POU2AF2: variants seen among roughly 807,000 people sequenced by gnomAD.
The protein encoded by POU2AF2 is POU domain class 2-associating factor 2.
At chr11:111,281,333 T>A in the POU2AF2 span, 1 of 1,374,262 alleles carries the variant, frequency 7.3e-7, no homozygotes, top group East Asian at 2.3e-5. Flanking sequence ...TAAGGTGTAT[T>A]CCTAATTTTT....
chr11:111,253,015 T>C, the POU2AF2 span, among the ~76,000 whole-genome samples: 1 of 152,246 alleles, frequency 6.6e-6, no homozygotes, highest in African/African-American at 2.4e-5. Flanking sequence ...TTTATCTTCC[T>C]GAACTACTCT....
chr11:111,267,653 T>C, the POU2AF2 span, among the ~76,000 whole-genome samples: 1 of 152,154 alleles, frequency 6.6e-6, no homozygotes, highest in Non-Finnish European at 1.5e-5. Flanking sequence ...CTGGAAGAGA[T>C]TCCTGAGCCC....
chr11:111,270,552 C>T, the POU2AF2 span, among the ~76,000 whole-genome samples: 7 of 152,300 alleles, frequency 4.6e-5, no homozygotes, highest in African/African-American at 1.4e-4. Context: ...TTTCAATATT[C>T]CCTCCTCAGT....
chr11:111,273,119 A>G, the POU2AF2 span, among the ~76,000 whole-genome samples: 1 of 152,250 alleles, frequency 6.6e-6, no homozygotes, highest in Non-Finnish European at 1.5e-5. Context: ...TTTATAAGAT[A>G]TGTTTGAGAT....
At chr11:111,277,238 G>T in the POU2AF2 span, among the ~76,000 whole-genome samples, 1 of 152,196 alleles carries the variant, frequency 6.6e-6, no homozygotes, top group East Asian at 1.9e-4. Flanking sequence ...AGCAGGTAGA[G>T]AACAAAATCA....
chr11:111,269,564 T>C, the POU2AF2 span, among the ~76,000 whole-genome samples: 1 of 152,174 alleles, frequency 6.6e-6, no homozygotes, highest in African/African-American at 2.4e-5. Flanking sequence ...GGTGGTGAAT[T>C]CTTTCATGCA....
At chr11:111,259,357 C>T in the POU2AF2 span, among the ~76,000 whole-genome samples, 1 of 147,670 alleles carries the variant, frequency 6.8e-6, no homozygotes, top group Admixed American at 6.9e-5. Flanking sequence ...GTTCTGTCGG[C>T]CAGGCTGGAG....
the POU2AF2 span, among the ~76,000 whole-genome samples, chr11:111,278,326 G>C: frequency 6.6e-6 from 1 of 152,196 alleles, no homozygotes; most frequent in African/African-American, 2.4e-5. Context: ...TGCTGCTTCT[G>C]AGTTGTTGGA....
chr11:111,262,780 C>CT, the POU2AF2 span, among the ~76,000 whole-genome samples: 2 of 152,142 alleles, frequency 1.3e-5, no homozygotes, highest in East Asian at 3.9e-4. Flanking sequence ...AGTTTCTGTG[C>CT]TTATTTTTTT....
the POU2AF2 span, among the ~76,000 whole-genome samples, chr11:111,276,791 C>T: frequency 2.0e-5 from 3 of 149,136 alleles, no homozygotes; most frequent in Non-Finnish European, 3.0e-5. Context: ...GTGAATCCAG[C>T]GGTATTATCT....
At chr11:111,251,377 T>C in the POU2AF2 span, among the ~76,000 whole-genome samples, 1 of 152,110 alleles carries the variant, frequency 6.6e-6, no homozygotes, top group Non-Finnish European at 1.5e-5. Context: ...AAAACAAATG[T>C]GGAAAGGAAG....
the POU2AF2 span, among the ~76,000 whole-genome samples, chr11:111,250,992 C>T: frequency 3.9e-5 from 6 of 152,222 alleles, no homozygotes; most frequent in African/African-American, 7.2e-5. Context: ...TTCCTGTGAG[C>T]GTCATGGTGG....
chr11:111,266,580 T>A, the POU2AF2 span, among the ~76,000 whole-genome samples: 2 of 152,190 alleles, frequency 1.3e-5, no homozygotes, highest in Non-Finnish European at 2.9e-5. Context: ...GGGGTACAAT[T>A]GAGTTGACGT....
the POU2AF2 span, among the ~76,000 whole-genome samples, chr11:111,252,928 C>G: frequency 6.6e-6 from 1 of 152,184 alleles, no homozygotes; most frequent in Admixed American, 6.5e-5. Context: ...TGGCTTCCAG[C>G]CACCCCGCAC....
chr11:111,270,259 C>T, the POU2AF2 span, among the ~76,000 whole-genome samples: 18 of 152,344 alleles, frequency 1.2e-4, no homozygotes, highest in Non-Finnish European at 1.9e-4. Context: ...TAGATAATTA[C>T]ATGCACTATT....
chr11:111,268,549 T>TTTA, the POU2AF2 span, among the ~76,000 whole-genome samples: 2 of 133,830 alleles, frequency 1.5e-5, no homozygotes, highest in South Asian at 2.3e-4. Flanking sequence ...TTTATTTTAT[T>TTTA]TTGAGATGGA....
the POU2AF2 span, among the ~76,000 whole-genome samples, chr11:111,278,449 A>T: frequency 6.6e-6 from 1 of 152,196 alleles, no homozygotes; most frequent in Non-Finnish European, 1.5e-5. Context: ...GTGTGATGGC[A>T]TTTGGAGAAG....
chr11:111,248,438 C>G, the POU2AF2 span, among the ~76,000 whole-genome samples: 8 of 152,188 alleles, frequency 5.3e-5, no homozygotes, highest in Non-Finnish European at 1.2e-4. Flanking sequence ...ATCTCCCTGA[C>G]AGGCAGAGAA....
At chr11:111,254,360 A>G in the POU2AF2 span, among the ~76,000 whole-genome samples, 1 of 152,252 alleles carries the variant, frequency 6.6e-6, no homozygotes, top group Non-Finnish European at 1.5e-5. Flanking sequence ...ATAAGGCTGC[A>G]TGTGGCTTTA....
Sources: allele counts gnomAD v4.1 joint callset (sites outside exome capture counted in the v4.1 genomes callset), GRCh38; gene constraint gnomAD v4.1.1; transcripts MANE v1.5; gene names NCBI Gene and HGNC (gene_info 2026-07-23, HGNC 2026-07-21).